The following KIAA1328 variants were observed in gnomAD, a reference collection of about 807,000 sequenced individuals.
KIAA1328 encodes the protein protein hinderin.
KIAA1328 carries 52 observed loss-of-function variants against 68.1 expected under a neutral mutation model. The ratio of observed to expected loss-of-function variants is 0.76; its 90% CI spans 0.61 to 0.96. The LOEUF (loss-of-function observed/expected upper bound fraction) is 0.96. Among genes scored for constraint, KIAA1328 ranks in the 40% least tolerant of loss-of-function variants. KIAA1328 has a pLI of 0.00. For missense variants in KIAA1328, 641 were observed against 677.6 expected, an observed-to-expected ratio of 0.95 and a Z score of 0.60; for synonymous variants, 232 against 239.4, an observed-to-expected ratio of 0.97 and a Z score of 0.28.
intron 7 of KIAA1328, among the ~76,000 whole-genome samples, chr18:37,120,343 G>A (rs1224330778): frequency 6.6e-6 from 1 of 152,056 alleles, no homozygotes; most frequent in East Asian, 1.9e-4. Flanking sequence ...GTAATGTCAG[G>A]TGTTTTGTCA....
chr18:36,885,757 G>T (rs771075289), intron 5 of KIAA1328, 85 bp downstream of exon 5: 2 of 875,574 alleles, frequency 2.3e-6, no homozygotes, highest in Non-Finnish European at 3.5e-6. Flanking sequence ...CGCTCTTGTC[G>T]CCTAGGCTGC....
intron 9 of KIAA1328, chr18:37,193,559 A>G (rs537910201): frequency 4.4e-5 from 31 of 699,932 alleles, no homozygotes; most frequent in Non-Finnish European, 6.5e-5. Flanking sequence ...TCCTTGAACC[A>G]CTCATGGACA....
chr18:36,991,904 A>G (rs943601709), intron 6 of KIAA1328, among the ~76,000 whole-genome samples: 1 of 152,148 alleles, frequency 6.6e-6, no homozygotes, highest in Non-Finnish European at 1.5e-5. Context: ...GTTAAAATGG[A>G]CAGCTTAGCC....
chr18:37,105,397 G>T (rs994332363), intron 7 of KIAA1328, among the ~76,000 whole-genome samples: 3 of 151,536 alleles, frequency 2.0e-5, no homozygotes, highest in Non-Finnish European at 1.5e-5. Flanking sequence ...AGGCTGAGAT[G>T]GGAGGTTTGC....
chr18:36,970,203 A>G (rs183646316), intron 6 of KIAA1328, among the ~76,000 whole-genome samples: 3 of 152,338 alleles, frequency 2.0e-5, no homozygotes, highest in African/African-American at 7.2e-5. Flanking sequence ...CAATGACAAA[A>G]CCACATGATT....
At chr18:37,201,611 A>G (rs550737976) in intron 9 of KIAA1328, among the ~76,000 whole-genome samples, 166 of 152,346 alleles carry the variant, frequency 1.1e-3, no homozygotes, top group Non-Finnish European at 1.7e-3. Flanking sequence ...GGTTGGCCGT[A>G]TAGTATTCTT....
chr18:36,854,294 C>T (rs1249624070), intron 4 of KIAA1328, among the ~76,000 whole-genome samples: 1 of 152,154 alleles, frequency 6.6e-6, no homozygotes, highest in Non-Finnish European at 1.5e-5. Flanking sequence ...AAATAAGTTT[C>T]AGTTGTTCAG....
At chr18:37,041,640 T>TTGTGTGTG (rs56237948) in intron 6 of KIAA1328, among the ~76,000 whole-genome samples, 22 of 146,908 alleles carry the variant, frequency 1.5e-4, no homozygotes, top group South Asian at 2.2e-4. Flanking sequence ...TTTTTTGTGT[T>TTGTGTGTG]TGTGTGTGTG....
At chr18:37,102,058 A>C (rs1321208637) in intron 7 of KIAA1328, among the ~76,000 whole-genome samples, 1 of 152,234 alleles carries the variant, frequency 6.6e-6, no homozygotes, top group Non-Finnish European at 1.5e-5. Flanking sequence ...ACAGAAAAAG[A>C]AAATTACAGA....
At chr18:36,984,926 AAATT>A in intron 6 of KIAA1328, among the ~76,000 whole-genome samples, 1 of 148,102 alleles carries the variant, frequency 6.8e-6, no homozygotes, top group Non-Finnish European at 1.5e-5. Context: ...AAAAAAAAAA[AAATT>A]AAGCAATATC....
At chr18:37,162,139 A>T (rs1247502927) in intron 8 of KIAA1328, among the ~76,000 whole-genome samples, 2 of 152,232 alleles carry the variant, frequency 1.3e-5, no homozygotes, top group Admixed American at 1.3e-4. Context: ...ATGTTGCTAT[A>T]CCAATCAATT....
At chr18:37,055,612 C>G (rs550627240) in intron 6 of KIAA1328, among the ~76,000 whole-genome samples, 4 of 152,270 alleles carry the variant, frequency 2.6e-5, no homozygotes, top group African/African-American at 9.6e-5. Context: ...CCATATATGC[C>G]TAGTGTTAAA....
chr18:37,195,564 C>T (rs1312074004), intron 9 of KIAA1328, among the ~76,000 whole-genome samples: 2 of 152,128 alleles, frequency 1.3e-5, no homozygotes, highest in African/African-American at 4.8e-5. Flanking sequence ...TGTCCTTTCC[C>T]CAGTATGTAT....
At position 37,067,562 on chromosome 18, in the gene KIAA1328, CTTT is replaced by C. The variant is rs11311186; in HGVS notation, c.1232+31_1232+33del. ...TTACAATTGGTGAGTACTGCCTGTTCTTTTTTTTTTTTTTTTGAGACGAAATCT... is the reference window on the plus strand; with the variant it reads ...TTACAATTGGTGAGTACTGCCTGTTCTTTTTTTTTTTTTGAGACGAAATCT... On this transcript the variant is annotated intron_variant, in intron 7 of 9. Transcript: ENST00000280020. 1,477 of 1,343,066 alleles carry C rather than the reference CTTT, an allele frequency of 1.1e-3. No homozygotes were observed. The highest frequency in any genetic ancestry group is 2.2e-3 in the South Asian group (140 of 62,566). 83.2% of individuals were successfully genotyped at this position (1,343,066 alleles called of 1,614,324 possible). A position where few individuals can be genotyped will look rare whatever the true frequency, so the allele number is the denominator to read the frequency against.
chr18:36,970,589 A>G (rs1229623091), intron 6 of KIAA1328, among the ~76,000 whole-genome samples: 1 of 152,234 alleles, frequency 6.6e-6, no homozygotes. Flanking sequence ...TTAAGCTGAT[A>G]AGCAACTTCA....
At chr18:37,027,572 C>T (rs1257062424) in intron 6 of KIAA1328, among the ~76,000 whole-genome samples, 1 of 152,174 alleles carries the variant, frequency 6.6e-6, no homozygotes, top group Non-Finnish European at 1.5e-5. Context: ...CACATATCTA[C>T]AGCCATCTGA....
At chr18:37,034,838 C>T (rs1285424398) in intron 6 of KIAA1328, among the ~76,000 whole-genome samples, 1 of 151,800 alleles carries the variant, frequency 6.6e-6, no homozygotes, top group Non-Finnish European at 1.5e-5. Context: ...CATTGTGAAA[C>T]AAAAAAGCAA....
At chr18:36,836,661 G>T (rs560277859) in intron 3 of KIAA1328, among the ~76,000 whole-genome samples, 63 of 151,922 alleles carry the variant, frequency 4.1e-4, no homozygotes, top group South Asian at 1.5e-3. Context: ...CCTTTTTAAA[G>T]TGTACAGTTT....
intron 5 of KIAA1328, among the ~76,000 whole-genome samples, chr18:36,908,944 A>AT (rs1290366931): frequency 6.6e-6 from 1 of 152,152 alleles, no homozygotes; most frequent in Non-Finnish European, 1.5e-5. Context: ...AAGCTTTCTT[A>AT]TCCTAGGCTT....
Sources: gnomAD v4.1 joint callset for allele counts (sites outside exome capture counted in the v4.1 genomes callset) on GRCh38, gnomAD v4.1.1 for gene constraint, MANE v1.5 for transcripts, NCBI Gene and HGNC (gene_info 2026-07-23, HGNC 2026-07-21) for gene names.